The following CAMTA2 variants were observed in gnomAD, a reference collection of about 807,000 sequenced individuals.
CAMTA2 encodes the protein calmodulin binding transcription activator 2.
A neutral mutation model predicts 135.7 loss-of-function variants in CAMTA2; 56 were observed. The ratio of observed to expected loss-of-function variants is 0.41; its 90% confidence interval spans 0.33 to 0.52. CAMTA2 has a LOEUF of 0.52. Among genes scored for constraint, CAMTA2 ranks in the 20% least tolerant of loss-of-function variants. CAMTA2 has a pLI of 0.16. For missense variants in CAMTA2, 1,358 were observed against 1,553.4 expected, an observed-to-expected ratio of 0.87 and a Z score of 2.11; for synonymous variants, 591 against 604.6, an observed-to-expected ratio of 0.98 and a Z score of 0.33.
intron 8 of CAMTA2, among the ~76,000 whole-genome samples, 165 bp downstream of exon 8, chr17:4,981,060 T>A (rs1172321229): frequency 6.6e-6 from 1 of 152,196 alleles, no homozygotes; most frequent in Non-Finnish European, 1.5e-5. Flanking sequence ...TCCGAGCCAG[T>A]GTGCACCCAG....
At chr17:4,971,304 A>G (rs112088057) in intron 16 of CAMTA2, among the ~76,000 whole-genome samples, 4 of 152,300 alleles carry the variant, frequency 2.6e-5, no homozygotes, top group Non-Finnish European at 4.4e-5. Context: ...TTGTCCCTAC[A>G]TAGATCAACG....
intron 16 of CAMTA2, among the ~76,000 whole-genome samples, chr17:4,971,102 T>G (rs1389816190): frequency 6.6e-6 from 1 of 152,226 alleles, no homozygotes; most frequent in Non-Finnish European, 1.5e-5. Context: ...AAAGCAGGTA[T>G]GTCCCCAGTC....
intron 9 of CAMTA2, 45 bp from the exon 10 acceptor site, chr17:4,978,675 A>G (rs374255683): frequency 1.1e-4 from 175 of 1,596,822 alleles, no homozygotes; most frequent in Non-Finnish European, 1.4e-4. Context: ...TTGGGCGTTC[A>G]TCCCCTCACT....
Position 4,973,219 on chromosome 17 carries a change from C to G in CAMTA2, c.2236G>C (p.Glu746Gln), listed in dbSNP as rs560446249. ...VETGSLDLEQ[E>Q]VDPLNVDHFS... ...TGATCCACGTTGAGCGGGTCAACCTCCTGCTCTAAGTCCAAGCTTCCAGTC... is the reference window on the plus strand; with the variant it reads ...TGATCCACGTTGAGCGGGTCAACCTGCTGCTCTAAGTCCAAGCTTCCAGTC... Residue 746 changes from glutamate to glutamine, a missense_variant, in exon 14 of 23, where the codon GAG becomes CAG. Glu to Gln is a conservative substitution (Grantham distance 29). This residue lies in a region of CAMTA2 where 1,077 missense variants were observed against 1,127.5 expected (regional missense o/e 0.96). Transcript: ENST00000348066. The G allele has an allele frequency of 1.1e-5, 18 of 1,614,116 alleles. No individual in the cohort carries two copies. The South Asian group carries it at 1.9e-4, about 17-fold the overall frequency.
At chr17:4,978,712 G>C in intron 9 of CAMTA2, 82 bp from the exon 10 acceptor site, 2 of 1,497,520 alleles carry the variant, frequency 1.3e-6, no homozygotes, top group East Asian at 4.6e-5. Flanking sequence ...CCCTTACAGG[G>C]TATCTACTAT....
rs377542650 is a variant in CAMTA2 at position 4,968,822 on chromosome 17, G to A, written c.3546-3C>T. On this transcript the variant is annotated splice_region_variant and splice_polypyrimidine_tract_variant and intron_variant, in intron 22 of 22. Coordinates refer to ENST00000348066, the MANE Select transcript of CAMTA2 (RefSeq NM_015099.4). ...GGTTCTGCTTCAGTTCCCTCATCCT[G>A]CAGAGAGAAAGATAGGAGTCAGAGG... 75 of 1,613,848 alleles carry A rather than the reference G, an allele frequency of 4.6e-5. No homozygotes were observed. The highest frequency in any genetic ancestry group is 5.8e-5 in the Non-Finnish European group (69 of 1,179,746).
rs1339758153 is a variant in CAMTA2, at chr17:4,981,252, G to A, written c.673C>T (p.His225Tyr). ...THPTKPAPRTHACLCSGGLGS... is the reference protein window; with the variant it reads ...THPTKPAPRTYACLCSGGLGS... ...AGCCCCCCACTGCAGAGACAGGCGT[G>A]GGTTCGGGGAGCAGGCTTGGTTGGG... The change falls in exon 8 of 23, where the codon CAC (histidine) becomes TAC (tyrosine). Residue 225 changes from histidine to tyrosine, a missense_variant. Transcript: ENST00000348066. 2.5e-6 allele frequency: 4 copies of A among 1,613,904 alleles called. No homozygotes were observed. The highest frequency in any genetic ancestry group is 3.4e-6 in the Non-Finnish European group (4 of 1,180,006).
chr17:4,982,135 G>A lies in CAMTA2; in HGVS notation c.365C>T (p.Ser122Phe). The A allele has an allele frequency of 6.3e-7, 1 of 1,591,032 alleles. No homozygotes were observed. The highest frequency in any genetic ancestry group is 8.6e-7 in the Non-Finnish European group (1 of 1,167,124). ...CCGATGGAATGTGGGGACGATGGAAGAGTGAACGTAGCAGCCATAGAGACA... is the reference window on the plus strand; with the variant it reads ...CCGATGGAATGTGGGGACGATGGAAAAGTGAACGTAGCAGCCATAGAGACA... ...MECLYGCYVH[S>F]SIVPTFHRRC... The change falls in exon 6 of 23, where the codon TCT becomes TTT. Residue 122 changes from serine (S) to phenylalanine (F), a missense_variant. This residue lies in a region of CAMTA2 where 105 missense variants were observed against 190.9 expected (regional missense o/e 0.55). Transcript: ENST00000348066.
rs1230360982 is a variant in CAMTA2, at chr17:4,969,758, T to C, written c.3190-57A>G. 5.6e-6 allele frequency: 9 copies of C among 1,606,862 alleles called. No homozygotes were observed. The East Asian group carries it at 1.8e-4, about 32-fold the overall frequency. On this transcript the variant is annotated intron_variant, in intron 18 of 22. Transcript: ENST00000348066. The surrounding 1 kb of genome is among the most constrained non-coding windows in gnomAD (Gnocchi z 5.6). ...CCCACATAATGGCATATCTGACTTG[T>C]CCCTTCAACTTTCCTGGGGTTCCCC...
At chr17:4,972,717 G>T in intron 15 of CAMTA2, 52 bp downstream of exon 15, 1 of 1,558,068 alleles carries the variant, frequency 6.4e-7, no homozygotes. Flanking sequence ...CTTTGTCCTG[G>T]CCTATCCTCC....
At chr17:4,987,567 G>C in intron 1 of CAMTA2, 26 bp downstream of exon 1, 1 of 1,512,012 alleles carries the variant, frequency 6.6e-7, no homozygotes, top group South Asian at 1.2e-5. Flanking sequence ...GGGGCGGAGA[G>C]GCGGGCGAGA....
chr17:4,987,227 C>T (rs750784152), intron 1 of CAMTA2: 40 of 1,341,248 alleles, frequency 3.0e-5, no homozygotes, highest in Non-Finnish European at 3.8e-5. Flanking sequence ...GGACGCTTGG[C>T]ACTCTGGGCG....
chr17:4,976,247 C>T (rs1972609391), intron 11 of CAMTA2, among the ~76,000 whole-genome samples: 1 of 151,928 alleles, frequency 6.6e-6, no homozygotes, highest in Non-Finnish European at 1.5e-5. Context: ...CTCAGGTGAT[C>T]CACCCGCCTT....
Position 4,980,029 on chromosome 17 carries a change from C to T in CAMTA2, c.1293G>A (p.Gln431=). The T allele has an allele frequency of 5.0e-6, 8 of 1,613,758 alleles. No individual in the cohort carries two copies. The highest frequency in any genetic ancestry group is 6.8e-6 in the Non-Finnish European group (8 of 1,179,956). The part of the protein sequence containing the change: ...PQAAARGPPP[Q]SVAGGRRGNC... ...TTCCTCTTCTCCCACCTGCTACTGA[C>T]TGTGGTGGGGGACCCCGAGCAGCTG... Residue 431 remains glutamine (Q), a synonymous_variant, in exon 9 of 23, where the codon CAG becomes CAA. Transcript: ENST00000348066. The surrounding 1 kb of genome is among the most constrained non-coding windows in gnomAD (Gnocchi z 5.3).
At chr17:4,986,688 A>G (rs1483678171) in intron 1 of CAMTA2, 2 of 546,742 alleles carry the variant, frequency 3.7e-6, no homozygotes, top group Non-Finnish European at 6.4e-6. Context: ...GGGGCAGGGC[A>G]GGAGATTCTA....
chr17:4,980,032 T>TC lies in CAMTA2; in HGVS notation c.1289_1290insG (p.Gln431ThrfsTer17). 1 of 1,613,698 alleles carries TC rather than the reference T, an allele frequency of 6.2e-7. No homozygotes were observed. Among genetic ancestry groups the TC allele is most frequent in the Non-Finnish European group, 8.5e-7 (1 of 1,179,930 alleles). ...CTCTTCTCCCACCTGCTACTGACTG[T>TC]GGTGGGGGACCCCGAGCAGCTGCCT... On this transcript the variant is annotated frameshift_variant, in exon 9 of 23. Transcript: ENST00000348066. LOFTEE classifies it high-confidence loss of function. This position sits in a 1 kb window ranked among gnomAD's most constrained non-coding sequence, Gnocchi z 5.3.
At chr17:4,975,687 G>A (rs570835029) in intron 11 of CAMTA2, among the ~76,000 whole-genome samples, 3 of 152,296 alleles carry the variant, frequency 2.0e-5, no homozygotes, top group Non-Finnish European at 2.9e-5. Flanking sequence ...CAGAGCTCCG[G>A]AGAGAGAGAA....
rs759691472 is a variant in CAMTA2, at chr17:4,980,096, G to T, written c.1226C>A (p.Pro409His). The change falls in exon 9 of 23, where the codon CCC becomes CAC. Residue 409 changes from proline (P) to histidine (H), a missense_variant. By Grantham distance (77) the Pro-to-His change is moderately conservative (BLOSUM62 -2). Around this residue, in one of 4 missense-constraint regions of CAMTA2, gnomAD observed 1,077 missense variants for 1,127.5 expected, o/e 0.96. Coordinates refer to ENST00000348066, the MANE Select transcript of CAMTA2 (RefSeq NM_015099.4). The surrounding 1 kb of genome is among the most constrained non-coding windows in gnomAD (Gnocchi z 5.3). ...DFPEAEAAHT[P>H]CSALEPAAAL... is the part of the protein sequence containing the mutation. ...AGCAGCAGGCTCTAGGGCAGAACAG[G>T]GGGTATGAGCGGCCTCTGCCTCGGG... 6.2e-7 allele frequency: 1 copy of T among 1,612,686 alleles called. No individual in the cohort carries two copies. The highest frequency in any genetic ancestry group is 8.5e-7 in the Non-Finnish European group (1 of 1,179,140).
At chr17:4,975,367 G>C (rs1342928351) in intron 11 of CAMTA2, among the ~76,000 whole-genome samples, 3 of 152,076 alleles carry the variant, frequency 2.0e-5, no homozygotes, top group Non-Finnish European at 2.9e-5. Context: ...AAGGACAAAG[G>C]AGGGCTGGGG....
Sources: gnomAD v4.1 joint callset for allele counts (sites outside exome capture counted in the v4.1 genomes callset) on GRCh38, gnomAD v4.1.1 for gene constraint, gnomAD v4.1.1 regional missense constraint, Gnocchi (gnomAD v3.1) non-coding constraint, MANE v1.5 for transcripts, NCBI Gene and HGNC (gene_info 2026-07-23, HGNC 2026-07-21) for gene names.